Variants in NPTN observed in about 807,000 individuals in gnomAD.
The protein encoded by NPTN is SDR-1.
NPTN carries 5 observed loss-of-function variants against 42.7 expected under a neutral mutation model. The observed-to-expected ratio is 0.12, with a 90% CI of 0.06 to 0.25. The LOEUF (loss-of-function observed/expected upper bound fraction) is 0.25, where lower values mean the gene tolerates loss of function less well. Among genes scored for constraint, NPTN ranks in the 10% least tolerant of loss-of-function variants. The pLI, the probability that NPTN is intolerant of heterozygous loss-of-function variation, is 1.00. For missense variants in NPTN, 307 were observed against 525.4 expected, an observed-to-expected ratio of 0.58 and a Z score of 4.06; for synonymous variants, 180 against 201.9, an observed-to-expected ratio of 0.89 and a Z score of 0.92.
In NPTN at chr15:73,565,594, T is replaced by C. The variant is rs949139063; in HGVS notation, c.1115-2337A>G. Among the ~76,000 whole-genome samples, 12 of 152,104 alleles carry C rather than the reference T, an allele frequency of 7.9e-5. 1 individual carries two copies. The highest frequency in any genetic ancestry group is 6.5e-4 in the Admixed American group (10 of 15,276). On this transcript the variant is annotated intron_variant, in intron 6 of 8. Coordinates refer to ENST00000345330, the MANE Select transcript of NPTN (RefSeq NM_012428.4). ...TTGAGGGGGGAAAAAAAAGAAGTCA[T>C]AGTAACCGACAAATATCAACATACC...
In NPTN at chr15:73,561,898, T is replaced by C. The variant is rs1357895767; in HGVS notation, c.*12A>G. 5 of 1,601,318 alleles carry C rather than the reference T, an allele frequency of 3.1e-6. No homozygotes were observed. The South Asian group carries it at 4.5e-5, about 14-fold the overall frequency. On this transcript the variant is annotated splice_region_variant and 3_prime_UTR_variant, in exon 8 of 9. Transcript: ENST00000345330. ...CTGCTACAGAAGGCCATACTTACAT[T>C]GTAAGCAGTACTTAATTTGTGTTTC...
Position 73,569,263 on chromosome 15 carries a change from G to A in NPTN, c.1114+887C>T, listed in dbSNP as rs1207972959. Reference sequence around the variant, plus strand: ...GGAACCTGAAGTACTGCAGATACAAGTCTCCATCAGCAGCTTCCCCCTTCA... The same window carrying A: ...GGAACCTGAAGTACTGCAGATACAAATCTCCATCAGCAGCTTCCCCCTTCA... On this transcript the variant is annotated intron_variant, in intron 6 of 8. Transcript: ENST00000345330. The surrounding 1 kb of genome is among the most constrained non-coding windows in gnomAD (Gnocchi z 4.1). 2 of 985,400 alleles carry A rather than the reference G, an allele frequency of 2.0e-6. No individual in the cohort carries two copies. The highest frequency in any genetic ancestry group is 1.7e-5 in the African/African-American group (1 of 57,244). 61.0% of individuals were successfully genotyped at this position (985,400 alleles called of 1,614,324 possible).
Position 73,570,795 on chromosome 15 carries a change from G to A in NPTN, c.841-372C>T, listed in dbSNP as rs1020876343. 2.0e-5 allele frequency among the ~76,000 whole-genome samples: 3 copies of A among 152,144 alleles called. No homozygotes were observed. The highest frequency in any genetic ancestry group is 2.0e-4 in the Admixed American group (3 of 15,270). The stretch of plus-strand genomic sequence containing the variant: ...CAACCCCTACAGTCAGGCATGCCTC[G>A]GGGACCTCAGGCCTCTCTGATGACC... On this transcript the variant is annotated intron_variant, in intron 5 of 8. Transcript: ENST00000345330. The surrounding 1 kb of genome is among the most constrained non-coding windows in gnomAD (Gnocchi z 4.0).
At chr15:73,571,880 A>C (rs1895414890) in intron 5 of NPTN, among the ~76,000 whole-genome samples, 1 of 152,236 alleles carries the variant, frequency 6.6e-6, no homozygotes, top group African/African-American at 2.4e-5. Context: ...TAAAACAGCT[A>C]GTCTGTGATG....
chr15:73,597,090 C>T lies in NPTN; in HGVS notation c.371G>A (p.Arg124Lys). ...YECRASNDPK[R>K]NDLRQNPSIT... ...GGAGGGGTTTTGCCTCAAGTCATTC[C>T]TCTTGGGGTCGTTGCTGGCCCTGCA... Residue 124 changes from arginine (R) to lysine (K), a missense_variant, in exon 2 of 9, where the codon AGG becomes AAG. Around this residue, in one of 2 missense-constraint regions of NPTN, gnomAD observed 264 missense variants for 491.1 expected, o/e 0.54. Transcript: ENST00000345330. The surrounding 1 kb of genome is among the most constrained non-coding windows in gnomAD (Gnocchi z 6.3). 6.2e-7 allele frequency: 1 copy of T among 1,614,146 alleles called. No homozygotes were observed. The highest frequency in any genetic ancestry group is 1.1e-5 in the South Asian group (1 of 91,074).
rs960077737 is a variant in NPTN, at chr15:73,573,793, C to T, written c.709G>A (p.Ala237Thr). Residue 237 changes from alanine to threonine, a missense_variant and splice_region_variant, in exon 5 of 9, where the codon GCT becomes ACT. This residue lies in a region of NPTN where 264 missense variants were observed against 491.1 expected (regional missense o/e 0.54). Coordinates refer to ENST00000345330, the MANE Select transcript of NPTN (RefSeq NM_012428.4). ...KANATIEVKAAPDITGHKRSE... is the reference protein window; with the variant it reads ...KANATIEVKATPDITGHKRSE... The stretch of plus-strand genomic sequence containing the variant: ...CGTTTATGGCCAGTGATGTCAGGAG[C>T]GGCTGTGAGAAAGCGTTAGACGCAG... 1.9e-6 allele frequency: 3 copies of T among 1,602,850 alleles called. No homozygotes were observed. Among genetic ancestry groups the T allele is most frequent in the Admixed American group, 1.7e-5 (1 of 58,258 alleles).
rs1377867542 is a variant in NPTN, at chr15:73,609,201, ATATTT to A, written c.92-11837_92-11833del. 1.3e-4 allele frequency among the ~76,000 whole-genome samples: 20 copies of A among 152,346 alleles called. No individual in the cohort carries two copies. In the East Asian group the frequency reaches 3.9e-3, roughly 29 times the overall value. On this transcript the variant is annotated intron_variant, in intron 1 of 8. Coordinates refer to ENST00000345330, the MANE Select transcript of NPTN (RefSeq NM_012428.4). ...CAACACTTTTAATAATGTCAAGTAA[ATATTT>A]TATTACTTTGCTTCAGAAGACTTAA...
chr15:73,585,416 T>G (rs1307464760), intron 4 of NPTN, among the ~76,000 whole-genome samples: 2 of 152,154 alleles, frequency 1.3e-5, no homozygotes, highest in East Asian at 3.9e-4. Context: ...CATACACACA[T>G]GTACTACTCT....
rs750508657 is a variant in NPTN, at chr15:73,560,838, C to T, written c.*225G>A. On this transcript the variant is annotated 3_prime_UTR_variant, in exon 9 of 9. Transcript: ENST00000345330. ...AAAGGAAAAAAAAAAGCAACATTCA[C>T]AGCACATCAAGCCCAAAATAGTTTA... 3.3e-5 allele frequency: 5 copies of T among 151,928 alleles called. No homozygotes were observed. The highest frequency in any genetic ancestry group is 9.7e-5 in the African/African-American group (4 of 41,296). The allele number at this position is 151,928 out of a possible 1,614,324, so 9.4% of individuals were successfully genotyped here. A position where few individuals can be genotyped will look rare whatever the true frequency, so the allele number is the denominator to read the frequency against.
intron 6 of NPTN, chr15:73,567,465 A>T (rs1018691338): frequency 1.0e-6 from 1 of 985,326 alleles, no homozygotes; most frequent in Non-Finnish European, 1.2e-6. Flanking sequence ...TTCCAAAAGG[A>T]GTGTACGTAT....
At chr15:73,584,477 T>C (rs1896216519) in intron 4 of NPTN, among the ~76,000 whole-genome samples, 1 of 152,036 alleles carries the variant, frequency 6.6e-6, no homozygotes, top group Non-Finnish European at 1.5e-5. Flanking sequence ...GTAGAAAATT[T>C]CAACATCTAT....
Position 73,570,643 on chromosome 15 carries a change from C to T in NPTN, c.841-220G>A, listed in dbSNP as rs1037680543. On this transcript the variant is annotated intron_variant, in intron 5 of 8. Coordinates refer to ENST00000345330, the MANE Select transcript of NPTN (RefSeq NM_012428.4). The surrounding 1 kb of genome is among the most constrained non-coding windows in gnomAD (Gnocchi z 4.0). ...TTACCATCGGTCCTCCAGACTTCCC[C>T]GACTTCCACGAAGTGAGTGCAGGTC... is the stretch of plus-strand genomic sequence containing the variant. Among the ~76,000 whole-genome samples, 7 of 152,206 alleles carry T rather than the reference C, an allele frequency of 4.6e-5. No homozygotes were observed. Among genetic ancestry groups the T allele is most frequent in the Non-Finnish European group, 8.8e-5 (6 of 68,034 alleles).
rs770181597 is a variant in NPTN at position 73,561,861 on chromosome 15, T to C, written c.*14+35A>G. 2.8e-6 allele frequency: 4 copies of C among 1,446,630 alleles called. No individual in the cohort carries two copies. In the South Asian group the frequency reaches 3.5e-5, roughly 13 times the overall value. The allele number at this position is 1,446,630 out of a possible 1,614,324, so 89.6% of individuals were successfully genotyped here. ...CAATAGAGGCACATTCATTTGAATA[T>C]AATTTTTAAGACTGCTACAGAAGGC... is the stretch of plus-strand genomic sequence containing the variant. On this transcript the variant is annotated intron_variant, in intron 8 of 8. Transcript: ENST00000345330.
At chr15:73,580,639 A>T (rs1474259756) in intron 4 of NPTN, among the ~76,000 whole-genome samples, 1 of 147,062 alleles carries the variant, frequency 6.8e-6, no homozygotes, top group Non-Finnish European at 1.5e-5. Flanking sequence ...ATGTATATAC[A>T]TGTTATATAT....
rs1895281738 is a variant in NPTN at position 73,570,113 on chromosome 15, C to A, written c.1114+37G>T. On this transcript the variant is annotated intron_variant, in intron 6 of 8. Transcript: ENST00000345330. This position sits in a 1 kb window ranked among gnomAD's most constrained non-coding sequence, Gnocchi z 4.0. Reference sequence around the variant, plus strand: ...CTTGGAAACCACCCGAAGGAACCAACCCCAGCAGTACAGCTATTTTGTAGG... The same window carrying A: ...CTTGGAAACCACCCGAAGGAACCAAACCCAGCAGTACAGCTATTTTGTAGG... 3.2e-6 allele frequency: 5 copies of A among 1,557,072 alleles called. No homozygotes were observed. The highest frequency in any genetic ancestry group is 4.4e-6 in the Non-Finnish European group (5 of 1,149,244).
At position 73,621,852 on chromosome 15, in the gene NPTN, TGGAAC is replaced by T. The variant is rs1162187705; in HGVS notation, c.91+11268_91+11272del. ...TCATGTTCCTTAATATCATTCTCCC[TGGAAC>T]CTATTCCACTGTTCGAGTCCTCTTA... On this transcript the variant is annotated intron_variant, in intron 1 of 8. Coordinates refer to ENST00000345330, the MANE Select transcript of NPTN (RefSeq NM_012428.4). 2.6e-5 allele frequency among the ~76,000 whole-genome samples: 4 copies of T among 152,206 alleles called. No individual in the cohort carries two copies. The East Asian group carries it at 7.7e-4, about 29-fold the overall frequency.
chr15:73,573,872 G>A (rs1027217113), intron 4 of NPTN, 77 bp from the exon 5 acceptor site: 2 of 1,545,380 alleles, frequency 1.3e-6, no homozygotes, highest in African/African-American at 2.8e-5. Context: ...TTCTGGCTCA[G>A]AGCCCTGCTT....
At chr15:73,610,503 T>C (rs1056311039) in intron 1 of NPTN, among the ~76,000 whole-genome samples, 3 of 152,198 alleles carry the variant, frequency 2.0e-5, no homozygotes, top group Non-Finnish European at 4.4e-5. Flanking sequence ...CATGGAATGC[T>C]TTCTGTGGAG....
chr15:73,565,074 G>C (rs1442601212), intron 6 of NPTN, among the ~76,000 whole-genome samples: 2 of 152,198 alleles, frequency 1.3e-5, no homozygotes, highest in Non-Finnish European at 2.9e-5. Context: ...AGCCCAACAA[G>C]CTGGTAACAT....
Sources: gnomAD v4.1 joint callset for allele counts (sites outside exome capture counted in the v4.1 genomes callset) on GRCh38, gnomAD v4.1.1 for gene constraint, gnomAD v4.1.1 regional missense constraint, Gnocchi (gnomAD v3.1) non-coding constraint, MANE v1.5 for transcripts, NCBI Gene and HGNC (gene_info 2026-07-23, HGNC 2026-07-21) for gene names.